Variants in SCAPER observed in about 807,000 individuals in gnomAD.
SCAPER encodes S-phase cyclin A associated protein in the ER, also known as S phase cyclin A-associated protein in the endoplasmic reticulum.
A neutral mutation model predicts 182.2 loss-of-function variants in SCAPER; 98 were observed. The ratio of observed to expected loss-of-function variants is 0.54; its 90% CI spans 0.46 to 0.64. SCAPER has a LOEUF of 0.64. SCAPER is among the 30% of genes least tolerant of loss of function. The probability of loss-of-function intolerance (pLI) is 0.00; values close to 1 mark genes in which losing one functional copy is unlikely to be tolerated. For synonymous variants in SCAPER, 605 were observed against 564.6 expected, an observed-to-expected ratio of 1.07 and a Z score of -1.01; for missense variants, 1,432 against 1,690.0, an observed-to-expected ratio of 0.85 and a Z score of 2.68.
At chr15:76,465,540 G>A (rs2049540420) in intron 25 of SCAPER, among the ~76,000 whole-genome samples, 1 of 152,108 alleles carries the variant, frequency 6.6e-6, no homozygotes, top group South Asian at 2.1e-4. Flanking sequence ...CTGCACTGTT[G>A]ATTGTGACTC....
intron 23 of SCAPER, among the ~76,000 whole-genome samples, chr15:76,541,318 T>A (rs190534624): frequency 6.6e-6 from 1 of 152,302 alleles, no homozygotes; most frequent in African/African-American, 2.4e-5. Context: ...TAATCAACTT[T>A]ATATTTTCTG....
At chr15:76,379,530 C>T (rs2042795827) in intron 28 of SCAPER, among the ~76,000 whole-genome samples, 1 of 152,082 alleles carries the variant, frequency 6.6e-6, no homozygotes, top group Non-Finnish European at 1.5e-5. Flanking sequence ...CCCTCTTGAA[C>T]CACTCTGGTT....
intron 26 of SCAPER, among the ~76,000 whole-genome samples, chr15:76,424,434 T>C (rs916975545): frequency 6.6e-6 from 1 of 152,212 alleles, no homozygotes; most frequent in African/African-American, 2.4e-5. Context: ...GAGACTAGGA[T>C]TGCAACTCCT....
chr15:76,520,090 G>C, intron 23 of SCAPER, among the ~76,000 whole-genome samples: 1 of 152,136 alleles, frequency 6.6e-6, no homozygotes, highest in East Asian at 1.9e-4. Context: ...CTAACCTCTA[G>C]ATTGTGTTTA....
At chr15:76,439,951 C>T (rs551660617) in intron 25 of SCAPER, among the ~76,000 whole-genome samples, 2 of 152,196 alleles carry the variant, frequency 1.3e-5, no homozygotes, top group African/African-American at 2.4e-5. Context: ...TTAGAATACA[C>T]TAGAGTGGTC....
intron 21 of SCAPER, among the ~76,000 whole-genome samples, chr15:76,648,165 T>C (rs1377684780): frequency 6.7e-6 from 1 of 148,774 alleles, no homozygotes; most frequent in Non-Finnish European, 1.5e-5. Flanking sequence ...TCAAGTCAAT[T>C]CATAAACATA....
intron 14 of SCAPER, among the ~76,000 whole-genome samples, chr15:76,756,037 G>A (rs2062402810): frequency 1.3e-5 from 2 of 152,076 alleles, no homozygotes; most frequent in South Asian, 4.2e-4. Flanking sequence ...CAGGTCCGGA[G>A]TTCGAGACCA....
intron 4 of SCAPER, 91 bp downstream of exon 4, chr15:76,857,718 C>G: frequency 2.3e-6 from 2 of 854,702 alleles, no homozygotes; most frequent in Non-Finnish European, 3.5e-6. Context: ...AAATAATATT[C>G]AAATCCTGCA....
intron 5 of SCAPER, among the ~76,000 whole-genome samples, chr15:76,836,038 C>A (rs1323054769): frequency 6.6e-6 from 1 of 150,484 alleles, no homozygotes; most frequent in Non-Finnish European, 1.5e-5. Context: ...AGAGATGACA[C>A]AAACAAATGG....
chr15:76,823,582 C>G (rs1368410577), intron 5 of SCAPER, among the ~76,000 whole-genome samples: 1 of 151,706 alleles, frequency 6.6e-6, no homozygotes, highest in Non-Finnish European at 1.5e-5. Context: ...GAATATATGC[C>G]AAATTATTCA....
chr15:76,862,400 T>A lies in SCAPER; in HGVS notation c.124+16A>T. On this transcript the variant is annotated intron_variant, in intron 3 of 31. Coordinates refer to ENST00000563290, the MANE Select transcript of SCAPER (RefSeq NM_020843.4). Reference sequence around the variant, plus strand: ...TTATTTACAACAAAAATGAAACTAATTTTTTAAATACATACCATCATCATC... The same window carrying A: ...TTATTTACAACAAAAATGAAACTAAATTTTTAAATACATACCATCATCATC... The A allele has an allele frequency of 6.5e-7, 1 of 1,536,064 alleles. No individual in the cohort carries two copies. Among genetic ancestry groups the A allele is most frequent in the South Asian group, 1.1e-5 (1 of 87,544 alleles).
At chr15:76,822,610 T>C (rs887316137) in intron 5 of SCAPER, among the ~76,000 whole-genome samples, 5 of 152,234 alleles carry the variant, frequency 3.3e-5, no homozygotes, top group African/African-American at 1.2e-4. Flanking sequence ...ATATAGATCA[T>C]CTGTGCCTAC....
intron 20 of SCAPER, among the ~76,000 whole-genome samples, chr15:76,681,713 C>T (rs1032930234): frequency 2.0e-5 from 3 of 152,272 alleles, no homozygotes; most frequent in East Asian, 1.9e-4. Context: ...CTTCTCTCCA[C>T]AGATCCCTGG....
intron 23 of SCAPER, among the ~76,000 whole-genome samples, chr15:76,517,302 T>C (rs2042503221): frequency 6.6e-6 from 1 of 151,900 alleles, no homozygotes; most frequent in African/African-American, 2.4e-5. Context: ...GTTGCAAGGA[T>C]AGTAGAGATT....
intron 10 of SCAPER, among the ~76,000 whole-genome samples, chr15:76,768,213 G>T (rs934257948): frequency 1.3e-5 from 2 of 152,078 alleles, no homozygotes; most frequent in African/African-American, 2.4e-5. Context: ...ATATCCAGGA[G>T]AAATAAAAAA....
chr15:76,680,272 T>C (rs535026717), intron 20 of SCAPER, among the ~76,000 whole-genome samples: 22 of 151,872 alleles, frequency 1.4e-4, no homozygotes, highest in African/African-American at 5.3e-4. Context: ...AGGTTAAAAG[T>C]AGAATGACAG....
intron 21 of SCAPER, among the ~76,000 whole-genome samples, chr15:76,658,281 G>A (rs989684980): frequency 6.6e-6 from 1 of 151,834 alleles, no homozygotes; most frequent in African/African-American, 2.4e-5. Flanking sequence ...CCAAGCTGAG[G>A]GCCAATTCAA....
At chr15:76,539,550 T>C (rs951372639) in intron 23 of SCAPER, among the ~76,000 whole-genome samples, 10 of 147,720 alleles carry the variant, frequency 6.8e-5, no homozygotes, top group Admixed American at 1.3e-4. Context: ...AATTTCTTTT[T>C]TTTTTTTTTT....
At chr15:76,697,686 CT>C (rs764385755) in intron 20 of SCAPER, among the ~76,000 whole-genome samples, 10 of 152,048 alleles carry the variant, frequency 6.6e-5, no homozygotes, top group African/African-American at 9.7e-5. Flanking sequence ...GTCGCCCAGG[CT>C]AGAGTGCAAT....
Sources: gnomAD v4.1 joint callset for allele counts (sites outside exome capture counted in the v4.1 genomes callset) on GRCh38, gnomAD v4.1.1 for gene constraint, MANE v1.5 for transcripts, NCBI Gene and HGNC (gene_info 2026-07-23, HGNC 2026-07-21) for gene names.